EYS: variants seen among roughly 807,000 people sequenced by gnomAD.
EYS encodes EGF-like photoreceptor maintenance factor.
EYS carries 250 observed loss-of-function variants against 282.1 expected under a neutral mutation model. The ratio of observed to expected loss-of-function variants is 0.89; its 90% CI spans 0.80 to 0.98. The LOEUF is 0.98. Among genes scored for constraint, EYS ranks in the 50% least tolerant of loss-of-function variants. The probability of loss-of-function intolerance (pLI) is 0.00; values close to 1 mark genes in which losing one functional copy is unlikely to be tolerated. For synonymous variants in EYS, 1,355 were observed against 1,282.9 expected, an observed-to-expected ratio of 1.06 and a Z score of -1.20; for missense variants, 4,016 against 3,709.0, an observed-to-expected ratio of 1.08 and a Z score of -2.15.
intron 1 of EYS, among the ~76,000 whole-genome samples, chr6:65,684,952 C>T (rs1364715243): frequency 1.3e-5 from 2 of 151,922 alleles, no homozygotes; most frequent in Admixed American, 1.3e-4. Context: ...TCCATAGGTA[C>T]TCAATGTTTA....
intron 2 of EYS, among the ~76,000 whole-genome samples, chr6:65,581,225 T>TAGAG (rs1321700569): frequency 1.3e-5 from 2 of 151,970 alleles, no homozygotes; most frequent in African/African-American, 4.8e-5. Flanking sequence ...TTATTAAATA[T>TAGAG]AGAGGGGAAA....
intron 2 of EYS, among the ~76,000 whole-genome samples, chr6:65,617,621 A>G (rs1766254282): frequency 6.6e-6 from 1 of 151,792 alleles, no homozygotes; most frequent in Non-Finnish European, 1.5e-5. Context: ...TTACATATGT[A>G]TACATGTGCC....
intron 22 of EYS, among the ~76,000 whole-genome samples, chr6:64,768,411 T>C (rs1220671801): frequency 6.6e-6 from 1 of 152,152 alleles, no homozygotes. Flanking sequence ...GGTGATGAAA[T>C]TGAATTCTAT....
At chr6:65,111,315 CTT>C (rs1191412542) in intron 12 of EYS, among the ~76,000 whole-genome samples, 4 of 152,080 alleles carry the variant, frequency 2.6e-5, no homozygotes, top group Non-Finnish European at 5.9e-5. Flanking sequence ...TTGTCTCTCT[CTT>C]TCCTTAATTC....
At chr6:65,568,450 G>A (rs190716871) in intron 2 of EYS, among the ~76,000 whole-genome samples, 3 of 152,012 alleles carry the variant, frequency 2.0e-5, no homozygotes, top group Admixed American at 2.0e-4. Context: ...TCTGCCTCAT[G>A]TCAGGGATTT....
intron 8 of EYS, among the ~76,000 whole-genome samples, chr6:65,371,000 G>GAA (rs199688286): frequency 3.4e-5 from 5 of 148,474 alleles, no homozygotes; most frequent in African/African-American, 1.2e-4. Flanking sequence ...TAATTGTCAA[G>GAA]AAAAAAAAAA....
At chr6:65,589,471 A>G (rs942676971) in intron 2 of EYS, among the ~76,000 whole-genome samples, 1 of 151,942 alleles carries the variant, frequency 6.6e-6, no homozygotes, top group Non-Finnish European at 1.5e-5. Flanking sequence ...CACCCACTTA[A>G]GTACACACAC....
chr6:65,244,759 T>G (rs1040203147), intron 12 of EYS, among the ~76,000 whole-genome samples: 5 of 151,940 alleles, frequency 3.3e-5, no homozygotes, highest in African/African-American at 1.2e-4. Flanking sequence ...CCTGACCTGC[T>G]GATCCGCCCG....
chr6:64,977,833 A>G (rs1321925477), intron 14 of EYS, among the ~76,000 whole-genome samples: 1 of 151,946 alleles, frequency 6.6e-6, no homozygotes, highest in African/African-American at 2.4e-5. Context: ...GCGAAACCCA[A>G]TCTAGAGCAA....
intron 2 of EYS, among the ~76,000 whole-genome samples, chr6:65,547,584 T>C (rs767471675): frequency 6.6e-5 from 10 of 152,282 alleles, no homozygotes; most frequent in Non-Finnish European, 8.8e-5. Context: ...ATTGGGATTA[T>C]TGGATTTTGT....
chr6:65,052,194 C>T (rs1346219762), intron 13 of EYS, among the ~76,000 whole-genome samples: 2 of 151,424 alleles, frequency 1.3e-5, no homozygotes, highest in Non-Finnish European at 3.0e-5. Flanking sequence ...ACATACCCAA[C>T]CCCATTTAGT....
intron 36 of EYS, among the ~76,000 whole-genome samples, chr6:63,845,316 G>C (rs149057150): frequency 1.3e-5 from 2 of 152,150 alleles, no homozygotes; most frequent in Non-Finnish European, 2.9e-5. Context: ...TCAAAGTATA[G>C]AGCCTTCCCA....
chr6:65,000,881 A>C (rs1771441102), intron 13 of EYS, among the ~76,000 whole-genome samples: 1 of 152,200 alleles, frequency 6.6e-6, no homozygotes, highest in Non-Finnish European at 1.5e-5. Flanking sequence ...GTGATTTCTC[A>C]TATATTGTCC....
intron 35 of EYS, among the ~76,000 whole-genome samples, chr6:63,890,911 CACTGATCCCACAGAAAT>C (rs1759128558): frequency 6.6e-6 from 1 of 152,124 alleles, no homozygotes; most frequent in Admixed American, 6.6e-5. Context: ...GGGAAATCAC[CACTGATCCCACAGAAAT>C]ACAAACTACC....
intron 22 of EYS, among the ~76,000 whole-genome samples, chr6:64,653,549 C>G (rs1768638887): frequency 6.6e-6 from 1 of 151,824 alleles, no homozygotes; most frequent in Non-Finnish European, 1.5e-5. Context: ...ATTTTTTGTG[C>G]TCATCTTAAT....
intron 1 of EYS, among the ~76,000 whole-genome samples, chr6:65,657,611 T>A: frequency 6.6e-6 from 1 of 151,852 alleles, no homozygotes; most frequent in Non-Finnish European, 1.5e-5. Flanking sequence ...GAGAATTGCT[T>A]TTTATGGATG....
intron 12 of EYS, among the ~76,000 whole-genome samples, chr6:65,248,105 C>T (rs531872168): frequency 6.6e-6 from 1 of 151,864 alleles, no homozygotes; most frequent in Non-Finnish European, 1.5e-5. Context: ...TCCTCCTCAG[C>T]TGGTTTTGGC....
At chr6:65,604,498 CAT>C (rs947141029) in intron 2 of EYS, among the ~76,000 whole-genome samples, 1 of 151,978 alleles carries the variant, frequency 6.6e-6, no homozygotes, top group East Asian at 1.9e-4. Context: ...AAACTATCCA[CAT>C]GAGTACTAAA....
At chr6:64,044,976 T>C (rs1052281848) in intron 33 of EYS, among the ~76,000 whole-genome samples, 1 of 152,206 alleles carries the variant, frequency 6.6e-6, no homozygotes, top group Non-Finnish European at 1.5e-5. Context: ...GAACATTGTA[T>C]ATAGAACATT....
Sources: allele counts gnomAD v4.1 joint callset (sites outside exome capture counted in the v4.1 genomes callset), GRCh38; gene constraint gnomAD v4.1.1; transcripts MANE v1.5; gene names NCBI Gene and HGNC (gene_info 2026-07-23, HGNC 2026-07-21).